The following SLC24A2 variants were observed in gnomAD, a reference collection of about 807,000 sequenced individuals.
The protein encoded by SLC24A2 is solute carrier family 24 member 2.
A neutral mutation model predicts 62.0 loss-of-function variants in SLC24A2; 36 were observed. The ratio of observed to expected loss-of-function variants is 0.58; its 90% CI spans 0.44 to 0.77. SLC24A2 has a LOEUF of 0.77. Ranked by LOEUF, SLC24A2 falls within the 30% of genes least tolerant of loss-of-function variation. The pLI is 0.00. For missense variants in SLC24A2, 846 were observed against 817.9 expected, an observed-to-expected ratio of 1.03 and a Z score of -0.42; for synonymous variants, 358 against 294.0, an observed-to-expected ratio of 1.22 and a Z score of -2.23.
the SLC24A2 span, among the ~76,000 whole-genome samples, chr9:19,994,219 T>G: frequency 6.6e-6 from 1 of 152,154 alleles, no homozygotes; most frequent in African/African-American, 2.4e-5. Context: ...CAAAGTCTCA[T>G]TATCTCAGCT....
the SLC24A2 span, among the ~76,000 whole-genome samples, chr9:20,286,585 G>C: frequency 3.3e-5 from 5 of 152,156 alleles, no homozygotes; most frequent in East Asian, 1.9e-4. Flanking sequence ...TGCAAGGGGG[G>C]GCTGAGATCT....
At chr9:20,089,383 G>A in the SLC24A2 span, among the ~76,000 whole-genome samples, 1 of 152,076 alleles carries the variant, frequency 6.6e-6, no homozygotes, top group East Asian at 1.9e-4. Flanking sequence ...ATTTCTCCAA[G>A]GAGGAAATCT....
the SLC24A2 span, among the ~76,000 whole-genome samples, chr9:19,962,997 T>G: frequency 7.2e-5 from 11 of 152,126 alleles, no homozygotes; most frequent in East Asian, 5.8e-4. Flanking sequence ...CTGTGGGTTT[T>G]TCATAGATAG....
rs550632886 is a variant in SLC24A2, at chr9:19,516,066, C to T, written c.*87G>A. 10 of 1,533,710 alleles carry T rather than the reference C, an allele frequency of 6.5e-6. No individual in the cohort carries two copies. In the East Asian group the frequency reaches 1.6e-4, roughly 24 times the overall value. ...CTTGGCACCCAGGGCTGTGTGCCAGCTGCCTCTTCTCAAGAGGTCAAGGAG... is the reference window on the plus strand; with the variant it reads ...CTTGGCACCCAGGGCTGTGTGCCAGTTGCCTCTTCTCAAGAGGTCAAGGAG... On this transcript the variant is annotated 3_prime_UTR_variant, in exon 11 of 11. Coordinates refer to ENST00000341998, the MANE Select transcript of SLC24A2 (RefSeq NM_020344.4).
chr9:19,830,850 A>C, the SLC24A2 span, among the ~76,000 whole-genome samples: 5 of 152,254 alleles, frequency 3.3e-5, 1 homozygote, highest in East Asian at 7.7e-4. Flanking sequence ...AATACCTAAG[A>C]CTGGGTAATT....
chr9:20,013,838 C>T, the SLC24A2 span, among the ~76,000 whole-genome samples: 356 of 152,194 alleles, frequency 2.3e-3, 2 homozygotes, highest in African/African-American at 8.2e-3. Context: ...TGCTCAGTAT[C>T]GCTAATCATA....
At chr9:20,166,503 A>C in the SLC24A2 span, among the ~76,000 whole-genome samples, 1 of 152,014 alleles carries the variant, frequency 6.6e-6, no homozygotes, top group East Asian at 1.9e-4. Context: ...TAAATTGATA[A>C]AAATTATTTC....
the SLC24A2 span, among the ~76,000 whole-genome samples, chr9:20,288,660 A>T: frequency 6.7e-6 from 1 of 150,026 alleles, no homozygotes; most frequent in Non-Finnish European, 1.5e-5. Flanking sequence ...TGGAAGGCTG[A>T]TGCACAAGAA....
the SLC24A2 span, among the ~76,000 whole-genome samples, chr9:19,848,926 T>C: frequency 6.6e-6 from 1 of 152,244 alleles, no homozygotes; most frequent in African/African-American, 2.4e-5. Context: ...CTACATTTAT[T>C]GAGATCCAAG....
chr9:19,527,599 A>G (rs73645415), intron 9 of SLC24A2, among the ~76,000 whole-genome samples: 2,885 of 152,318 alleles, frequency 0.019, 98 homozygotes, highest in African/African-American at 0.066. Context: ...AAAAATAATA[A>G]CAATACATCA....
At chr9:20,209,173 T>A in the SLC24A2 span, among the ~76,000 whole-genome samples, 2 of 152,226 alleles carry the variant, frequency 1.3e-5, no homozygotes, top group Non-Finnish European at 2.9e-5. Context: ...CACCAGTCAA[T>A]CAGCCAAGAG....
At position 19,632,381 on chromosome 9, in the gene SLC24A2, T is replaced by C. The variant is rs1818201596; in HGVS notation, c.931-10082A>G. 6.6e-6 allele frequency among the ~76,000 whole-genome samples: 1 copy of C among 152,232 alleles called. No homozygotes were observed. The highest frequency in any genetic ancestry group is 1.5e-5 in the Non-Finnish European group (1 of 68,048). On this transcript the variant is annotated intron_variant, in intron 2 of 10. Coordinates refer to ENST00000341998, the MANE Select transcript of SLC24A2 (RefSeq NM_020344.4). The surrounding 1 kb of genome is among the most constrained non-coding windows in gnomAD (Gnocchi z 4.5). ...TTCATCACATGTTTAATGAGCATCT[T>C]ATATGTGCTACATTTTTCTAGGTGC...
At chr9:20,027,980 G>A in the SLC24A2 span, among the ~76,000 whole-genome samples, 30 of 152,198 alleles carry the variant, frequency 2.0e-4, no homozygotes, top group Non-Finnish European at 3.7e-4. Context: ...GTTGGTTGTC[G>A]TTAAATAAGA....
chr9:19,738,327 G>T (rs533542264), intron 2 of SLC24A2, among the ~76,000 whole-genome samples: 41 of 152,254 alleles, frequency 2.7e-4, no homozygotes, highest in African/African-American at 9.9e-4. Flanking sequence ...CAAGAGATAT[G>T]GAGAAATGTT....
the SLC24A2 span, among the ~76,000 whole-genome samples, chr9:19,833,911 G>A: frequency 1.3e-3 from 199 of 152,252 alleles, 2 homozygotes; most frequent in African/African-American, 4.5e-3. Flanking sequence ...CAGCATTTGC[G>A]GTTCACCAAT....
At chr9:20,002,888 C>A in the SLC24A2 span, among the ~76,000 whole-genome samples, 1 of 152,224 alleles carries the variant, frequency 6.6e-6, no homozygotes, top group Non-Finnish European at 1.5e-5. Flanking sequence ...ACATCCTCCA[C>A]CTACCTGTAG....
the SLC24A2 span, among the ~76,000 whole-genome samples, chr9:20,015,985 T>A: frequency 0.013 from 2,025 of 152,342 alleles, 30 homozygotes; most frequent in Admixed American, 0.02. Context: ...AAGCATTTCC[T>A]TCTATTATTG....
At chr9:20,094,329 A>C in the SLC24A2 span, among the ~76,000 whole-genome samples, 1 of 152,188 alleles carries the variant, frequency 6.6e-6, no homozygotes, top group East Asian at 1.9e-4. Context: ...CTAACAGATA[A>C]ACTATGCTAA....
chr9:19,903,361 CTCT>C, the SLC24A2 span, among the ~76,000 whole-genome samples: 2 of 152,078 alleles, frequency 1.3e-5, no homozygotes, highest in African/African-American at 4.8e-5. Context: ...GTCCCTTTTC[CTCT>C]TCTTATAAGG....
Sources: allele counts gnomAD v4.1 joint callset (sites outside exome capture counted in the v4.1 genomes callset), GRCh38; gene constraint gnomAD v4.1.1; non-coding constraint Gnocchi (gnomAD v3.1); transcripts MANE v1.5; gene names NCBI Gene and HGNC (gene_info 2026-07-23, HGNC 2026-07-21).